Variants in NELL1 observed in about 807,000 individuals in gnomAD.
The protein encoded by NELL1 is neural EGFL like 1.
NELL1 carries 76 observed loss-of-function variants against 107.4 expected under a neutral mutation model. The observed-to-expected ratio is 0.71, with a 90% CI of 0.59 to 0.86. NELL1 has a LOEUF of 0.86. Among genes scored for constraint, NELL1 ranks in the 40% least tolerant of loss-of-function variants. NELL1 has a pLI of 0.00. For synonymous variants in NELL1, 353 were observed against 341.2 expected, an observed-to-expected ratio of 1.03 and a Z score of -0.38; for missense variants, 1,024 against 1,005.5, an observed-to-expected ratio of 1.02 and a Z score of -0.25.
At chr11:20,826,920 G>A (rs181775599) in intron 3 of NELL1, among the ~76,000 whole-genome samples, 1 of 151,334 alleles carries the variant, frequency 6.6e-6, no homozygotes, top group African/African-American at 2.4e-5. Flanking sequence ...GTATACTTTT[G>A]TGTGTTAATT....
chr11:21,126,572 T>A (rs1855490883), intron 13 of NELL1, among the ~76,000 whole-genome samples: 1 of 152,150 alleles, frequency 6.6e-6, no homozygotes, highest in Non-Finnish European at 1.5e-5. Flanking sequence ...GTTTTAAGGT[T>A]TGATCATGTG....
intron 3 of NELL1, among the ~76,000 whole-genome samples, chr11:20,804,236 A>G (rs555657905): frequency 2.6e-5 from 4 of 151,770 alleles, no homozygotes; most frequent in Non-Finnish European, 5.9e-5. Context: ...TTTTATTCTT[A>G]ATTGTTTATC....
intron 14 of NELL1, among the ~76,000 whole-genome samples, chr11:21,369,889 A>G (rs1851319050): frequency 1.3e-5 from 2 of 152,068 alleles, no homozygotes; most frequent in Admixed American, 6.6e-5. Flanking sequence ...TATCAGAACA[A>G]CCTGTAAAAT....
chr11:21,276,301 C>T (rs2133941365), intron 14 of NELL1, among the ~76,000 whole-genome samples: 1 of 152,244 alleles, frequency 6.6e-6, no homozygotes, highest in South Asian at 2.1e-4. Context: ...TTCACAATTG[C>T]TTCAAAGAGA....
intron 12 of NELL1, among the ~76,000 whole-genome samples, chr11:21,065,032 C>T (rs1183105218): frequency 6.6e-6 from 1 of 152,048 alleles, no homozygotes; most frequent in Non-Finnish European, 1.5e-5. Flanking sequence ...ATTGTGTAGA[C>T]AAATCAACAC....
At chr11:20,976,845 AT>A (rs1305440154) in intron 12 of NELL1, among the ~76,000 whole-genome samples, 6 of 151,890 alleles carry the variant, frequency 4.0e-5, no homozygotes, top group African/African-American at 1.2e-4. Flanking sequence ...AAGTGGCAGG[AT>A]TTTTTTTATG....
At chr11:20,976,186 TTATATCTGTACA>T (rs1851631295) in intron 12 of NELL1, among the ~76,000 whole-genome samples, 1 of 150,814 alleles carries the variant, frequency 6.6e-6, no homozygotes, top group Admixed American at 6.6e-5. Flanking sequence ...ATATATATGT[TTATATCTGTACA>T]TATATATGTA....
chr11:21,382,787 C>A (rs1447620670), intron 15 of NELL1, among the ~76,000 whole-genome samples: 2 of 151,856 alleles, frequency 1.3e-5, no homozygotes, highest in African/African-American at 4.8e-5. Flanking sequence ...GAAAATAATT[C>A]TTGACTAAAT....
At chr11:20,898,778 G>T (rs370903704) in intron 5 of NELL1, among the ~76,000 whole-genome samples, 1 of 151,644 alleles carries the variant, frequency 6.6e-6, no homozygotes, top group African/African-American at 2.4e-5. Context: ...ATTCATTGAT[G>T]AACACTTAGG....
intron 12 of NELL1, among the ~76,000 whole-genome samples, chr11:21,029,329 C>T (rs1012174519): frequency 1.3e-5 from 2 of 152,126 alleles, no homozygotes; most frequent in Admixed American, 6.6e-5. Context: ...CACATTACAA[C>T]GTCTATACTG....
intron 15 of NELL1, among the ~76,000 whole-genome samples, chr11:21,403,648 C>G (rs1427019934): frequency 6.6e-6 from 1 of 151,100 alleles, no homozygotes; most frequent in Non-Finnish European, 1.5e-5. Context: ...TCTCACTGCA[C>G]TAATTGGATT....
intron 15 of NELL1, among the ~76,000 whole-genome samples, chr11:21,414,442 AG>A (rs1274749694): frequency 6.6e-6 from 1 of 152,086 alleles, no homozygotes; most frequent in Non-Finnish European, 1.5e-5. Flanking sequence ...AGAATGAGAA[AG>A]GGATTTTTAG....
At chr11:20,959,371 C>T (rs1346053884) in intron 11 of NELL1, among the ~76,000 whole-genome samples, 6 of 152,158 alleles carry the variant, frequency 3.9e-5, no homozygotes, top group Non-Finnish European at 5.9e-5. Flanking sequence ...GACACTTGCA[C>T]GTGCATGTTG....
In NELL1 at chr11:20,906,801, T is replaced by C. The variant is rs1408970917; in HGVS notation, c.604-11381T>C. ...TCTGACAAAATCCAATATCTTGTCATGATAAAAACACTAAGAAAATGAGCA... is the reference window on the plus strand; with the variant it reads ...TCTGACAAAATCCAATATCTTGTCACGATAAAAACACTAAGAAAATGAGCA... On this transcript the variant is annotated intron_variant, in intron 5 of 19. Transcript: ENST00000357134. 7.2e-5 allele frequency among the ~76,000 whole-genome samples: 11 copies of C among 152,144 alleles called. No individual in the cohort carries two copies. In the South Asian group the frequency reaches 2.1e-3, roughly 29 times the overall value.
At chr11:21,311,750 A>C (rs2133646917) in intron 14 of NELL1, among the ~76,000 whole-genome samples, 1 of 152,266 alleles carries the variant, frequency 6.6e-6, no homozygotes, top group East Asian at 1.9e-4. Context: ...TATATGTGCC[A>C]GCTACTTTAC....
chr11:21,011,644 G>A (rs140986723), intron 12 of NELL1, among the ~76,000 whole-genome samples: 1 of 152,250 alleles, frequency 6.6e-6, no homozygotes, highest in Non-Finnish European at 1.5e-5. Flanking sequence ...TACACTCTCT[G>A]CAGTTGGGCA....
chr11:20,738,471 T>A (rs1376389511), intron 2 of NELL1, among the ~76,000 whole-genome samples: 4 of 152,214 alleles, frequency 2.6e-5, no homozygotes, highest in Non-Finnish European at 5.9e-5. Context: ...TGCAGGGTCC[T>A]GGGAGAGACT....
intron 13 of NELL1, among the ~76,000 whole-genome samples, chr11:21,195,016 G>C (rs1193374040): frequency 6.6e-6 from 1 of 151,980 alleles, no homozygotes; most frequent in East Asian, 1.9e-4. Context: ...TGTTATGCTG[G>C]GTTTAATTCT....
chr11:21,466,662 C>G (rs931248198), intron 15 of NELL1, among the ~76,000 whole-genome samples: 2 of 152,068 alleles, frequency 1.3e-5, no homozygotes, highest in Admixed American at 6.6e-5. Context: ...AGCAGAGTGC[C>G]TCTTGTTGAA....
Sources: allele counts gnomAD v4.1 joint callset (sites outside exome capture counted in the v4.1 genomes callset), GRCh38; gene constraint gnomAD v4.1.1; transcripts MANE v1.5; gene names NCBI Gene and HGNC (gene_info 2026-07-23, HGNC 2026-07-21).